The following ARIH1 variants were observed in gnomAD, a reference collection of about 807,000 sequenced individuals.
The protein encoded by ARIH1 is E3 ubiquitin-protein ligase ARIH1.
In ARIH1, 8 loss-of-function variants were observed where a neutral mutation model predicts 85.0. That is an observed-to-expected ratio of 0.09 (90% CI 0.06 to 0.17). The LOEUF is 0.17. Among genes scored for constraint, ARIH1 ranks in the 10% least tolerant of loss-of-function variants. The pLI is 1.00. For synonymous variants in ARIH1, 238 were observed against 253.6 expected, an observed-to-expected ratio of 0.94 and a Z score of 0.59; for missense variants, 311 against 718.1, an observed-to-expected ratio of 0.43 and a Z score of 6.48.
At chr15:72,535,153 G>T (rs1034809367) in intron 2 of ARIH1, among the ~76,000 whole-genome samples, 1 of 150,480 alleles carries the variant, frequency 6.6e-6, no homozygotes, top group East Asian at 2.0e-4. Context: ...GGGTTTCACC[G>T]TGTTAGCCAG....
intron 2 of ARIH1, among the ~76,000 whole-genome samples, chr15:72,523,939 C>CTTTTTTTTT (rs397853910): frequency 9.7e-5 from 6 of 61,718 alleles, no homozygotes; most frequent in East Asian, 6.1e-4. Flanking sequence ...ACTTTTACAT[C>CTTTTTTTTT]TTTTTTTTTT....
chr15:72,568,094 G>A (rs2064228717), intron 9 of ARIH1, among the ~76,000 whole-genome samples: 1 of 152,046 alleles, frequency 6.6e-6, no homozygotes, highest in South Asian at 2.1e-4. Context: ...AGTGAATCTT[G>A]CCACATAAAA....
chr15:72,539,064 A>G (rs573504294), intron 2 of ARIH1, among the ~76,000 whole-genome samples: 1 of 152,342 alleles, frequency 6.6e-6, no homozygotes, highest in South Asian at 2.1e-4. Flanking sequence ...AGAGAAGCAC[A>G]GTCCTAGGAT....
intron 1 of ARIH1, among the ~76,000 whole-genome samples, chr15:72,480,455 T>G (rs987378685): frequency 6.6e-6 from 1 of 151,932 alleles, no homozygotes; most frequent in Non-Finnish European, 1.5e-5. Flanking sequence ...GAGATGAGGT[T>G]TCACCATGTT....
intron 3 of ARIH1, among the ~76,000 whole-genome samples, chr15:72,545,611 G>T (rs923512357): frequency 1.3e-5 from 2 of 152,224 alleles, no homozygotes; most frequent in African/African-American, 4.8e-5. Context: ...CAGATCACTT[G>T]AGGCCAGGAG....
At chr15:72,495,766 ATATT>A (rs149651245) in intron 1 of ARIH1, among the ~76,000 whole-genome samples, 2,283 of 152,296 alleles carry the variant, frequency 0.015, 67 homozygotes, top group African/African-American at 0.052. Flanking sequence ...TCAAAACACA[ATATT>A]TATACTGGCT....
At chr15:72,519,940 CAT>C (rs2063992207) in intron 2 of ARIH1, among the ~76,000 whole-genome samples, 1 of 152,186 alleles carries the variant, frequency 6.6e-6, no homozygotes, top group African/African-American at 2.4e-5. Context: ...GAGTTTCTCT[CAT>C]ATTAATGTAT....
intron 11 of ARIH1, among the ~76,000 whole-genome samples, chr15:72,573,239 A>G (rs1409774703): frequency 6.6e-6 from 1 of 152,176 alleles, no homozygotes; most frequent in East Asian, 1.9e-4. Flanking sequence ...GCTAGAAGTG[A>G]AAGTTTTGTC....
chr15:72,479,555 C>T lies in ARIH1; in HGVS notation c.375+4541C>T, dbSNP rs373335721. On this transcript the variant is annotated intron_variant, in intron 1 of 13. Transcript: ENST00000379887. ...TCCTGAGAAGCTGGGACTACAGGTG[C>T]GCGCCACCACACCCAACTAATTTTT... Among the ~76,000 whole-genome samples the T allele has an allele frequency of 8.6e-5, 13 of 151,154 alleles. No homozygotes were observed. The East Asian group carries it at 1.4e-3, about 16-fold the overall frequency.
At chr15:72,561,145 C>A (rs1002730749) in intron 5 of ARIH1, among the ~76,000 whole-genome samples, 2 of 152,062 alleles carry the variant, frequency 1.3e-5, no homozygotes, top group Non-Finnish European at 2.9e-5. Flanking sequence ...TGTCTTAAGG[C>A]ATGATATGAT....
rs114878279 is a variant in ARIH1, at chr15:72,558,294, T to C, written c.737+2387T>C. 9.0e-3 allele frequency among the ~76,000 whole-genome samples: 1,364 copies of C among 152,306 alleles called. 25 individuals are homozygous for C. The highest frequency in any genetic ancestry group is 0.031 in the African/African-American group (1,287 of 41,560). ...TTTTCTGTGTCATTTGAGATGATCG[T>C]ATGGTTTTTAATTCTGTTTATGTGG... is the stretch of plus-strand genomic sequence containing the variant. On this transcript the variant is annotated intron_variant, in intron 5 of 13. Transcript: ENST00000379887.
At chr15:72,483,363 G>T (rs1384669789) in intron 1 of ARIH1, among the ~76,000 whole-genome samples, 1 of 152,230 alleles carries the variant, frequency 6.6e-6, no homozygotes, top group African/African-American at 2.4e-5. Flanking sequence ...AGGCCCATAC[G>T]ATGGAAGCCA....
intron 1 of ARIH1, among the ~76,000 whole-genome samples, chr15:72,484,223 C>A (rs2063828121): frequency 6.6e-6 from 1 of 150,562 alleles, no homozygotes; most frequent in Non-Finnish European, 1.5e-5. Flanking sequence ...GATTCACATG[C>A]AGTTACAAGA....
rs996406134 is a variant in ARIH1, at chr15:72,599,400, C to T, written c.*16108C>T. Reference sequence around the variant, plus strand: ...TGTAGAATCATAAAGAAAAGCAACACCTTCCCATCTTAACTCCCCTAGTGC... The same window carrying T: ...TGTAGAATCATAAAGAAAAGCAACATCTTCCCATCTTAACTCCCCTAGTGC... On this transcript the variant is annotated 3_prime_UTR_variant, in exon 14 of 14. Coordinates refer to ENST00000379887, the MANE Select transcript of ARIH1 (RefSeq NM_005744.5). The T allele has an allele frequency of 6.6e-6, 1 of 152,192 alleles. No homozygotes were observed. The highest frequency in any genetic ancestry group is 1.5e-5 in the Non-Finnish European group (1 of 68,042). 9.4% of individuals were successfully genotyped at this position (152,192 alleles called of 1,614,324 possible).
chr15:72,561,370 T>C, intron 5 of ARIH1, 113 bp from the exon 6 acceptor site: 1 of 714,426 alleles, frequency 1.4e-6, no homozygotes, highest in Non-Finnish European at 2.4e-6. Flanking sequence ...TATTTACAGC[T>C]TAGGGCATAA....
intron 2 of ARIH1, among the ~76,000 whole-genome samples, chr15:72,528,583 G>C (rs1311249748): frequency 6.6e-6 from 1 of 152,236 alleles, no homozygotes; most frequent in Non-Finnish European, 1.5e-5. Flanking sequence ...GCCGGGCACA[G>C]TGGCTCATGC....
In ARIH1 at chr15:72,589,767, G is replaced by A. The variant is rs1275634329; in HGVS notation, c.*6475G>A. ...AATACATGTAATGAATTGGTATATG[G>A]TAGATACTCGTGGCTACTTAGTATT... On this transcript the variant is annotated 3_prime_UTR_variant, in exon 14 of 14. Transcript: ENST00000379887. 1 of 152,188 alleles carries A rather than the reference G, an allele frequency of 6.6e-6. No homozygotes were observed. Among genetic ancestry groups the A allele is most frequent in the Non-Finnish European group, 1.5e-5 (1 of 68,020 alleles). The allele number at this position is 152,188 out of a possible 1,614,324, so 9.4% of individuals were successfully genotyped here.
At position 72,587,423 on chromosome 15, in the gene ARIH1, A is replaced by G. The variant is rs549440116; in HGVS notation, c.*4131A>G. 21 of 345,452 alleles carry G rather than the reference A, an allele frequency of 6.1e-5. No individual in the cohort carries two copies. The highest frequency in any genetic ancestry group is 4.9e-4 in the South Asian group (21 of 43,184). 21.4% of individuals were successfully genotyped at this position (345,452 alleles called of 1,614,324 possible). On this transcript the variant is annotated 3_prime_UTR_variant, in exon 14 of 14. Transcript: ENST00000379887. ...CATTTGTTGCAGTTTGCAACACAGT[A>G]GTTGAGAATAAGTGGTTTAGTATGA...
chr15:72,480,409 G>A (rs975461951), intron 1 of ARIH1, among the ~76,000 whole-genome samples: 2 of 149,828 alleles, frequency 1.3e-5, no homozygotes, highest in Admixed American at 1.3e-4. Context: ...TTACAGGCAC[G>A]CGCCACCACA....
Sources: gnomAD v4.1 joint callset for allele counts (sites outside exome capture counted in the v4.1 genomes callset) on GRCh38, gnomAD v4.1.1 for gene constraint, MANE v1.5 for transcripts, NCBI Gene and HGNC (gene_info 2026-07-23, HGNC 2026-07-21) for gene names.